The following FGGY variants were observed in gnomAD, a reference collection of about 807,000 sequenced individuals.
The protein encoded by FGGY is FGGY carbohydrate kinase domain containing, also known as FGGY carbohydrate kinase domain-containing protein.
FGGY carries 72 observed loss-of-function variants against 71.3 expected under a neutral mutation model. That is an observed-to-expected ratio of 1.01 (90% CI 0.84 to 1.23). The LOEUF (loss-of-function observed/expected upper bound fraction) is 1.23, where lower values mean the gene tolerates loss of function less well. Ranked by LOEUF, FGGY falls within the 50% of genes most tolerant of loss-of-function variation. FGGY has a pLI of 0.00. For synonymous variants in FGGY, 251 were observed against 250.3 expected (o/e 1.00, Z -0.02); for missense variants, 668 against 682.3 (o/e 0.98, Z 0.23).
intron 11 of FGGY, among the ~76,000 whole-genome samples, chr1:59,641,994 C>T (rs1281392816): frequency 2.6e-5 from 4 of 152,196 alleles, no homozygotes; most frequent in Non-Finnish European, 4.4e-5. Context: ...TCCTAGATCC[C>T]CCCACAACCC....
intron 14 of FGGY, chr1:59,697,761 A>G (rs1316281655): frequency 8.1e-7 from 1 of 1,238,082 alleles, no homozygotes; most frequent in Non-Finnish European, 1.1e-6. Context: ...CAAGAGGTAA[A>G]CAGAATTGCA....
chr1:59,555,828 C>T (rs925228853), intron 8 of FGGY, among the ~76,000 whole-genome samples: 2 of 152,132 alleles, frequency 1.3e-5, no homozygotes, highest in Non-Finnish European at 1.5e-5. Context: ...GGTGAAACCC[C>T]GTCTCTACTA....
intron 14 of FGGY, among the ~76,000 whole-genome samples, chr1:59,748,737 G>C (rs2098220915): frequency 6.6e-6 from 1 of 151,902 alleles, no homozygotes; most frequent in South Asian, 2.1e-4. Context: ...AAAATTCTTG[G>C]AATCCCTGCT....
At chr1:59,598,886 A>G (rs1056499065) in intron 8 of FGGY, among the ~76,000 whole-genome samples, 13 of 152,260 alleles carry the variant, frequency 8.5e-5, no homozygotes, top group Non-Finnish European at 1.2e-4. Flanking sequence ...AAACAGGTAC[A>G]CATTACCTGT....
chr1:59,420,027 G>T (rs1432299728), intron 5 of FGGY, among the ~76,000 whole-genome samples: 1 of 152,176 alleles, frequency 6.6e-6, no homozygotes, highest in Non-Finnish European at 1.5e-5. Context: ...TTTTCATTCT[G>T]TGACGATGCT....
chr1:59,567,044 G>C (rs537485774), intron 8 of FGGY, among the ~76,000 whole-genome samples: 1 of 152,204 alleles, frequency 6.6e-6, no homozygotes, highest in African/African-American at 2.4e-5. Context: ...TGAGCATAAG[G>C]ACAGACAGAA....
intron 4 of FGGY, among the ~76,000 whole-genome samples, chr1:59,364,329 A>G (rs1414388363): frequency 6.6e-6 from 1 of 152,206 alleles, no homozygotes; most frequent in Non-Finnish European, 1.5e-5. Context: ...GAGAGAAGAA[A>G]TTTATCTTCC....
chr1:59,512,444 T>G lies in FGGY; in HGVS notation c.799+5T>G, dbSNP rs528061854. On this transcript the variant is annotated splice_donor_5th_base_variant and intron_variant, in intron 7 of 15. Transcript: ENST00000303721. Reference sequence around the variant, plus strand: ...ATGCCCATGCAGGAGGACTAGGTAATCTCTTATTTGTTGCCTACAGCCAAA... The same window carrying G: ...ATGCCCATGCAGGAGGACTAGGTAAGCTCTTATTTGTTGCCTACAGCCAAA... 23 of 1,612,028 alleles carry G rather than the reference T, an allele frequency of 1.4e-5. No individual in the cohort carries two copies. The South Asian group carries it at 2.4e-4, about 17-fold the overall frequency.
At chr1:59,746,839 A>T (rs1015818980) in intron 14 of FGGY, among the ~76,000 whole-genome samples, 1 of 152,194 alleles carries the variant, frequency 6.6e-6, no homozygotes, top group African/African-American at 2.4e-5. Flanking sequence ...CAGGATGTTC[A>T]TGGCAGAACT....
At chr1:59,459,219 T>C (rs2091973749) in intron 6 of FGGY, among the ~76,000 whole-genome samples, 1 of 152,172 alleles carries the variant, frequency 6.6e-6, no homozygotes, top group South Asian at 2.1e-4. Context: ...TTAAAATGAA[T>C]TATTTATGAA....
chr1:59,733,261 C>T (rs1248970150), intron 14 of FGGY: 1 of 153,846 alleles, frequency 6.5e-6, no homozygotes, highest in Non-Finnish European at 1.5e-5. Flanking sequence ...CGAGACCTTT[C>T]CAAAGGGCTC....
At chr1:59,496,262 A>G (rs1182952906) in intron 6 of FGGY, among the ~76,000 whole-genome samples, 2 of 152,162 alleles carry the variant, frequency 1.3e-5, no homozygotes, top group Admixed American at 6.5e-5. Context: ...AATAGCAAAG[A>G]CATGAAATCA....
intron 6 of FGGY, 122 bp downstream of exon 6, chr1:59,457,198 C>T: frequency 2.8e-6 from 2 of 703,538 alleles, no homozygotes; most frequent in Admixed American, 2.4e-5. Context: ...ATGAAGTTCA[C>T]TTTTTCCAAG....
chr1:59,446,005 T>G (rs2071151077), intron 5 of FGGY, among the ~76,000 whole-genome samples: 1 of 152,206 alleles, frequency 6.6e-6, no homozygotes, highest in Non-Finnish European at 1.5e-5. Context: ...GAAATACTAA[T>G]AATAGTATCC....
chr1:59,336,036 G>T (rs1278128513), intron 2 of FGGY, among the ~76,000 whole-genome samples: 1 of 151,924 alleles, frequency 6.6e-6, no homozygotes, highest in African/African-American at 2.4e-5. Flanking sequence ...TGTGGGTCTT[G>T]CTTGCTTTTT....
chr1:59,735,119 T>A lies in FGGY; in HGVS notation c.1513-22812T>A, dbSNP rs141864789. Among the ~76,000 whole-genome samples the A allele has an allele frequency of 7.5e-4, 114 of 152,216 alleles. 1 individual carries two copies. The highest frequency in any genetic ancestry group is 2.6e-3 in the African/African-American group (110 of 41,528). On this transcript the variant is annotated intron_variant, in intron 14 of 15. Coordinates refer to ENST00000303721, the MANE Select transcript of FGGY (RefSeq NM_018291.5). ...GGTGGGGCAGGGGTAGAGAGAGGGA[T>A]GGGAAGACTTCTCACAGTGATTCGA...
intron 5 of FGGY, among the ~76,000 whole-genome samples, chr1:59,413,063 T>G (rs1411071454): frequency 6.6e-6 from 1 of 152,232 alleles, no homozygotes; most frequent in East Asian, 1.9e-4. Flanking sequence ...GATTGTTTCT[T>G]TGACCTGGAA....
At chr1:59,659,003 T>C (rs1394750422) in intron 11 of FGGY, among the ~76,000 whole-genome samples, 1 of 152,066 alleles carries the variant, frequency 6.6e-6, no homozygotes, top group Admixed American at 6.5e-5. Context: ...AGGTGTATCA[T>C]ATGAGGTCAG....
intron 1 of FGGY, among the ~76,000 whole-genome samples, chr1:59,311,618 A>G (rs1033338819): frequency 6.6e-6 from 1 of 152,186 alleles, no homozygotes; most frequent in African/African-American, 2.4e-5. Context: ...TATATGTACC[A>G]CATTTTCTTT....
Sources: gnomAD v4.1 joint callset for allele counts (sites outside exome capture counted in the v4.1 genomes callset) on GRCh38, gnomAD v4.1.1 for gene constraint, MANE v1.5 for transcripts, NCBI Gene and HGNC (gene_info 2026-07-23, HGNC 2026-07-21) for gene names.